Variants in ITGB1 observed in about 807,000 individuals in gnomAD.
ITGB1 encodes integrin subunit beta 1, also known as integrin beta-1.
In ITGB1, 24 loss-of-function variants were observed where a neutral mutation model predicts 86.5. The observed-to-expected ratio is 0.28, with a 90% CI of 0.20 to 0.39. The LOEUF is 0.39. Ranked by LOEUF, ITGB1 falls within the 10% of genes least tolerant of loss-of-function variation. The pLI is 1.00. For synonymous variants in ITGB1, 323 were observed against 316.8 expected, an observed-to-expected ratio of 1.02 and a Z score of -0.21; for missense variants, 556 against 946.9, an observed-to-expected ratio of 0.59 and a Z score of 5.42.
Position 32,917,689 on chromosome 10 carries a change from A to G in ITGB1, c.1469+2196T>C, listed in dbSNP as rs1321667904. ...AATGGCGATCATTAAAAAGTCAGGA[A>G]AACAACAGGTGCTGGAGAGGATGTG... On this transcript the variant is annotated intron_variant, in intron 11 of 15. Transcript: ENST00000302278. 2.0e-5 allele frequency among the ~76,000 whole-genome samples: 3 copies of G among 152,276 alleles called. No individual in the cohort carries two copies. The East Asian group carries it at 5.8e-4, about 29-fold the overall frequency.
intron 1 of ITGB1, among the ~76,000 whole-genome samples, chr10:32,943,031 T>C (rs1240807255): frequency 3.3e-5 from 5 of 152,118 alleles, no homozygotes; most frequent in Admixed American, 6.5e-5. Flanking sequence ...GTTAAAAAAT[T>C]AAAAATATTT....
chr10:32,955,789 G>A (rs1018968023), intron 1 of ITGB1: 1 of 152,162 alleles, frequency 6.6e-6, no homozygotes, highest in Non-Finnish European at 1.5e-5. Flanking sequence ...TGACCAGAAA[G>A]CTGCCTAATT....
intron 1 of ITGB1, chr10:32,944,445 C>G (rs947012287): frequency 6.3e-5 from 21 of 335,756 alleles, no homozygotes; most frequent in Middle Eastern, 2.1e-3. Flanking sequence ...CTGGGCTAGG[C>G]AACAGCACTA....
intron 7 of ITGB1, 88 bp from the exon 8 acceptor site, chr10:32,922,823 C>G: frequency 1.4e-6 from 1 of 691,128 alleles, no homozygotes; most frequent in South Asian, 2.2e-5. Flanking sequence ...TGCAAGATTA[C>G]ACATAACTCG....
At chr10:32,930,660 G>GT (rs1284926965) in intron 3 of ITGB1, among the ~76,000 whole-genome samples, 6 of 151,982 alleles carry the variant, frequency 3.9e-5, no homozygotes, top group African/African-American at 1.2e-4. Context: ...AAGCAAAATA[G>GT]TAAGTATATG....
intron 1 of ITGB1, among the ~76,000 whole-genome samples, chr10:32,941,617 T>C (rs978470221): frequency 6.6e-6 from 1 of 152,166 alleles, no homozygotes; most frequent in Non-Finnish European, 1.5e-5. Flanking sequence ...GTAATACCTC[T>C]ACATATACAT....
At chr10:32,944,562 T>C (rs1287991386) in intron 1 of ITGB1, 35 of 482,558 alleles carry the variant, frequency 7.3e-5, no homozygotes, top group South Asian at 4.8e-4. Context: ...AACGCTTTCA[T>C]TGACCAAAGG....
At chr10:32,919,334 T>C (rs1349287110) in intron 11 of ITGB1, among the ~76,000 whole-genome samples, 1 of 152,238 alleles carries the variant, frequency 6.6e-6, no homozygotes, top group Non-Finnish European at 1.5e-5. Flanking sequence ...AAATAAAATC[T>C]GAAGTAATTT....
chr10:32,918,224 T>C (rs1339943508), intron 11 of ITGB1, among the ~76,000 whole-genome samples: 1 of 152,000 alleles, frequency 6.6e-6, no homozygotes, highest in South Asian at 2.1e-4. Context: ...GGGATAGCAT[T>C]AGGAGATATA....
intron 11 of ITGB1, among the ~76,000 whole-genome samples, chr10:32,915,102 G>A (rs1400146863): frequency 6.6e-6 from 1 of 152,186 alleles, no homozygotes; most frequent in Non-Finnish European, 1.5e-5. Context: ...AAATAAAGAT[G>A]TTCTTTGAAA....
intron 14 of ITGB1, 90 bp from the exon 15 acceptor site, chr10:32,908,624 A>G: frequency 9.5e-7 from 1 of 1,058,152 alleles, no homozygotes; most frequent in South Asian, 1.5e-5. Flanking sequence ...AAGAGAGTGA[A>G]CGCACACTAT....
chr10:32,915,462 T>C (rs2094928591), intron 11 of ITGB1, among the ~76,000 whole-genome samples: 1 of 151,886 alleles, frequency 6.6e-6, no homozygotes, highest in Non-Finnish European at 1.5e-5. Flanking sequence ...ATAGATGCAA[T>C]AAAAAATGAT....
Position 32,916,388 on chromosome 10 carries a change from G to A in ITGB1, c.1469+3497C>T, listed in dbSNP as rs141510813. Among the ~76,000 whole-genome samples, 305 of 152,260 alleles carry A rather than the reference G, an allele frequency of 2.0e-3. 2 individuals carry two copies. Among genetic ancestry groups the A allele is most frequent in the African/African-American group, 6.9e-3 (288 of 41,554 alleles). Reference sequence around the variant, plus strand: ...AGCCCATCAGTTAATTAGGAAAAGAGGAAATCAAATTGTCCCTGTTTGCAG... The same window carrying A: ...AGCCCATCAGTTAATTAGGAAAAGAAGAAATCAAATTGTCCCTGTTTGCAG... On this transcript the variant is annotated intron_variant, in intron 11 of 15. Transcript: ENST00000302278.
intron 11 of ITGB1, among the ~76,000 whole-genome samples, chr10:32,915,123 C>G (rs2094927533): frequency 6.6e-6 from 1 of 152,120 alleles, no homozygotes; most frequent in African/African-American, 2.4e-5. Flanking sequence ...CCAGTGAGAA[C>G]AAAGACACAA....
intron 1 of ITGB1, among the ~76,000 whole-genome samples, chr10:32,940,628 A>G (rs2095016189): frequency 6.6e-6 from 1 of 152,210 alleles, no homozygotes; most frequent in Admixed American, 6.5e-5. Context: ...TATGTGGCAC[A>G]TAACTGTGTA....
chr10:32,916,923 G>A (rs1377500777), intron 11 of ITGB1, among the ~76,000 whole-genome samples: 7 of 152,176 alleles, frequency 4.6e-5, no homozygotes, highest in African/African-American at 1.2e-4. Context: ...GAGGCATCAC[G>A]CTACCTGACT....
chr10:32,903,181 G>A (rs970886526), intron 15 of ITGB1, among the ~76,000 whole-genome samples: 14 of 151,424 alleles, frequency 9.2e-5, no homozygotes, highest in Admixed American at 8.6e-4. Context: ...GTAAAACCCC[G>A]TCTCTACTAA....
intron 2 of ITGB1, among the ~76,000 whole-genome samples, chr10:32,934,663 T>C (rs1196615477): frequency 6.6e-6 from 1 of 152,192 alleles, no homozygotes; most frequent in East Asian, 1.9e-4. Context: ...AGGTTTTACA[T>C]TGTTTCATAT....
rs779312239 is a variant in ITGB1 at position 32,908,522 on chromosome 10, C to T, written c.2177G>A (p.Gly726Asp). Residue 726 changes from glycine to aspartate, a missense_variant, in exon 15 of 16, where the codon GGT becomes GAT. Physicochemically the swap from Gly to Asp is moderately conservative, Grantham distance 94. Around this residue, in one of 4 missense-constraint regions of ITGB1, gnomAD observed 330 missense variants for 531.5 expected, o/e 0.62. Transcript: ENST00000302278. ...HVVENPECPTGPDIIPIVAGV... is the reference protein window; with the variant it reads ...HVVENPECPTDPDIIPIVAGV... ...AGCTACAATTGGAATGATGTCTGGA[C>T]CAGTGGGACACTCTGGAAAATAAGA... 1 of 1,613,582 alleles carries T rather than the reference C, an allele frequency of 6.2e-7. No homozygotes were observed. Among genetic ancestry groups the T allele is most frequent in the Admixed American group, 1.7e-5 (1 of 59,974 alleles).
Sources: allele counts gnomAD v4.1 joint callset (sites outside exome capture counted in the v4.1 genomes callset), GRCh38; gene constraint gnomAD v4.1.1; regional missense constraint gnomAD v4.1.1; transcripts MANE v1.5; gene names NCBI Gene and HGNC (gene_info 2026-07-23, HGNC 2026-07-21).